HEMK2: variants seen among roughly 807,000 people sequenced by gnomAD.
HEMK2 encodes HemK methyltransferase 2, ETF1 glutamine and histone H4 lysine.
chr21:28,706,873 T>C, the HEMK2 span, among the ~76,000 whole-genome samples: 2 of 152,222 alleles, frequency 1.3e-5, no homozygotes, highest in African/African-American at 4.8e-5. Flanking sequence ...GCTCTACTTT[T>C]GAAACTCCCA....
the HEMK2 span, among the ~76,000 whole-genome samples, chr21:28,679,708 C>G: frequency 1.1e-4 from 16 of 152,306 alleles, no homozygotes; most frequent in East Asian, 2.9e-3. Flanking sequence ...GTCTCTCAGA[C>G]CACAGTGCAA....
chr21:28,646,583 A>G, the HEMK2 span, among the ~76,000 whole-genome samples: 1 of 152,202 alleles, frequency 6.6e-6, no homozygotes, highest in East Asian at 1.9e-4. Flanking sequence ...CCATGGTTCT[A>G]TCAATTGACA....
the HEMK2 span, among the ~76,000 whole-genome samples, chr21:28,650,146 C>T: frequency 1.3e-5 from 2 of 152,148 alleles, no homozygotes; most frequent in African/African-American, 4.8e-5. Flanking sequence ...CCTGTAATCC[C>T]AGCACTTTGG....
the HEMK2 span, among the ~76,000 whole-genome samples, chr21:28,663,667 G>A: frequency 1.3e-5 from 2 of 152,190 alleles, no homozygotes; most frequent in Non-Finnish European, 2.9e-5. Context: ...TGCTGTTTCT[G>A]TTGTTTCTCT....
chr21:28,781,321 G>C, the HEMK2 span, among the ~76,000 whole-genome samples: 15,578 of 152,100 alleles, frequency 0.1, 1,253 homozygotes, highest in East Asian at 0.23. Flanking sequence ...CTTTCAACCT[G>C]TTCATCCATC....
chr21:28,595,713 G>A, the HEMK2 span, among the ~76,000 whole-genome samples: 2 of 152,044 alleles, frequency 1.3e-5, no homozygotes, highest in South Asian at 4.1e-4. Context: ...TTGCTACATT[G>A]TATGGCAACT....
At chr21:28,885,058 T>A in the HEMK2 span, among the ~76,000 whole-genome samples, 1 of 151,924 alleles carries the variant, frequency 6.6e-6, no homozygotes, top group Non-Finnish European at 1.5e-5. Flanking sequence ...TACAGGAAAA[T>A]TCTCAATTAC....
chr21:28,632,350 G>T, the HEMK2 span, among the ~76,000 whole-genome samples: 1 of 152,188 alleles, frequency 6.6e-6, no homozygotes, highest in Non-Finnish European at 1.5e-5. Context: ...TTTTATCAGA[G>T]TAAGAACTCT....
chr21:28,687,626 A>G, the HEMK2 span, among the ~76,000 whole-genome samples: 4 of 152,288 alleles, frequency 2.6e-5, no homozygotes, highest in African/African-American at 9.6e-5. Context: ...CTCTAACCAT[A>G]TCTGTAAATG....
chr21:28,869,589 T>A, the HEMK2 span, among the ~76,000 whole-genome samples: 1 of 152,226 alleles, frequency 6.6e-6, no homozygotes, highest in African/African-American at 2.4e-5. Context: ...CTTATGCTAC[T>A]TCCAGGACTG....
At chr21:28,866,176 A>C in the HEMK2 span, among the ~76,000 whole-genome samples, 1 of 68,014 alleles carries the variant, frequency 1.5e-5, no homozygotes, top group African/African-American at 7.3e-5. Context: ...AAAAAAAAAA[A>C]CACACACACA....
the HEMK2 span, among the ~76,000 whole-genome samples, chr21:28,647,955 T>C: frequency 1.8e-4 from 27 of 152,360 alleles, no homozygotes; most frequent in African/African-American, 6.3e-4. Context: ...TTATGGGGGA[T>C]AGTGATTCTT....
At chr21:28,836,155 C>T in the HEMK2 span, among the ~76,000 whole-genome samples, 3 of 152,088 alleles carry the variant, frequency 2.0e-5, no homozygotes, top group Non-Finnish European at 4.4e-5. Context: ...AAATTCATCG[C>T]AAAAAGATCT....
chr21:28,821,399 A>G, the HEMK2 span, among the ~76,000 whole-genome samples: 1 of 152,194 alleles, frequency 6.6e-6, no homozygotes, highest in African/African-American at 2.4e-5. Context: ...AAAACTGGGT[A>G]ATTTGCTGGA....
At chr21:28,877,310 A>AAGAG in the HEMK2 span, among the ~76,000 whole-genome samples, 1 of 98,214 alleles carries the variant, frequency 1.0e-5, no homozygotes, top group Non-Finnish European at 2.3e-5. Flanking sequence ...GAGAGAGAGA[A>AAGAG]AGAGAGAAAG....
chr21:28,808,424 A>AT, the HEMK2 span, among the ~76,000 whole-genome samples: 2 of 151,942 alleles, frequency 1.3e-5, no homozygotes, highest in Non-Finnish European at 2.9e-5. Flanking sequence ...AAAAAAAAAA[A>AT]AGCCTACTGG....
chr21:28,783,919 G>T, the HEMK2 span, among the ~76,000 whole-genome samples: 1 of 152,228 alleles, frequency 6.6e-6, no homozygotes, highest in African/African-American at 2.4e-5. Context: ...TGCAGAGGGT[G>T]CGCCAGGTCC....
the HEMK2 span, among the ~76,000 whole-genome samples, chr21:28,704,340 T>G: frequency 2.5e-4 from 38 of 152,266 alleles, no homozygotes; most frequent in Middle Eastern, 6.8e-3. Flanking sequence ...CTTATACTCA[T>G]GAGGCATTTC....
the HEMK2 span, among the ~76,000 whole-genome samples, chr21:28,595,505 A>G: frequency 6.6e-6 from 1 of 152,334 alleles, no homozygotes; most frequent in East Asian, 1.9e-4. Context: ...GTTGCAAATG[A>G]CTGAATCTCA....
Sources: gnomAD v4.1 joint callset for allele counts (sites outside exome capture counted in the v4.1 genomes callset) on GRCh38, gnomAD v4.1.1 for gene constraint, MANE v1.5 for transcripts, NCBI Gene and HGNC (gene_info 2026-07-23, HGNC 2026-07-21) for gene names.